DSG3: variants seen among roughly 807,000 people sequenced by gnomAD.
DSG3 encodes the protein desmoglein-3.
DSG3 carries 63 observed loss-of-function variants against 85.9 expected under a neutral mutation model. The observed-to-expected ratio is 0.73, with a 90% CI of 0.60 to 0.90. The LOEUF (loss-of-function observed/expected upper bound fraction) is 0.90. Among genes scored for constraint, DSG3 ranks in the 40% least tolerant of loss-of-function variants. The pLI, the probability that DSG3 is intolerant of heterozygous loss-of-function variation, is 0.00. For synonymous variants in DSG3, 447 were observed against 441.9 expected, an observed-to-expected ratio of 1.01 and a Z score of -0.14; for missense variants, 1,220 against 1,219.9, an observed-to-expected ratio of 1.00 and a Z score of 0.00.
intron 12 of DSG3, among the ~76,000 whole-genome samples, chr18:31,470,263 A>T (rs2072847831): frequency 6.6e-6 from 1 of 152,194 alleles, no homozygotes; most frequent in East Asian, 1.9e-4. Flanking sequence ...TATTAATTTT[A>T]AAACCACAAA....
chr18:31,464,983 A>C (rs1037181871), intron 9 of DSG3, among the ~76,000 whole-genome samples: 4 of 151,892 alleles, frequency 2.6e-5, no homozygotes, highest in African/African-American at 9.7e-5. Flanking sequence ...CTAAAAATAC[A>C]AAATTAGCCG....
At chr18:31,452,458 G>A (rs1481010627) in intron 1 of DSG3, among the ~76,000 whole-genome samples, 1 of 140,248 alleles carries the variant, frequency 7.1e-6, no homozygotes, top group Non-Finnish European at 1.5e-5. Flanking sequence ...GGCAGAACTT[G>A]CAGTGAGCCG....
chr18:31,474,774 A>G (rs1396974449), intron 15 of DSG3, among the ~76,000 whole-genome samples: 2 of 152,188 alleles, frequency 1.3e-5, no homozygotes, highest in African/African-American at 4.8e-5. Flanking sequence ...CAAATTAATA[A>G]CAAAAGAAGA....
At position 31,466,065 on chromosome 18, in the gene DSG3, C is replaced by T. The variant is rs533936511; in HGVS notation, c.1412-465C>T. The stretch of plus-strand genomic sequence containing the variant: ...TGCCCCCACAGAGAGATTTTTATTT[C>T]ATTATTTTTTATTTTCAGCATTTAA... On this transcript the variant is annotated intron_variant, in intron 10 of 15. Coordinates refer to ENST00000257189, the MANE Select transcript of DSG3 (RefSeq NM_001944.3). Among the ~76,000 whole-genome samples, 5 of 152,110 alleles carry T rather than the reference C, an allele frequency of 3.3e-5. No individual in the cohort carries two copies. The East Asian group carries it at 9.6e-4, about 29-fold the overall frequency.
At chr18:31,465,231 A>T in intron 9 of DSG3, 87 bp from the exon 10 acceptor site, 1 of 932,052 alleles carries the variant, frequency 1.1e-6, no homozygotes, top group Non-Finnish European at 1.4e-6. Context: ...AAATATGAAT[A>T]TACTAAATAT....
intron 1 of DSG3, among the ~76,000 whole-genome samples, chr18:31,455,443 A>G (rs1474737278): frequency 6.6e-6 from 1 of 152,242 alleles, no homozygotes; most frequent in Admixed American, 6.5e-5. Context: ...AAAGTTTACA[A>G]TACTCCTGGC....
At chr18:31,453,181 C>T (rs1376533697) in intron 1 of DSG3, among the ~76,000 whole-genome samples, 2 of 152,136 alleles carry the variant, frequency 1.3e-5, no homozygotes, top group East Asian at 3.8e-4. Flanking sequence ...TATTTCATGA[C>T]ATTTTTCCCA....
intron 9 of DSG3, among the ~76,000 whole-genome samples, chr18:31,464,594 A>T (rs943484757): frequency 2.0e-5 from 3 of 152,242 alleles, no homozygotes; most frequent in Non-Finnish European, 2.9e-5. Context: ...CACAAGTTAC[A>T]GTGGAAACCA....
At chr18:31,461,022 T>G in intron 7 of DSG3, 61 bp downstream of exon 7, 1 of 1,474,032 alleles carries the variant, frequency 6.8e-7, no homozygotes, top group Non-Finnish European at 9.0e-7. Flanking sequence ...GAAATCCTAA[T>G]TCAGGACTTG....
chr18:31,461,143 A>T, intron 7 of DSG3, 84 bp from the exon 8 acceptor site: 2 of 1,299,560 alleles, frequency 1.5e-6, no homozygotes, highest in South Asian at 1.6e-5. Context: ...AATTTGAGAA[A>T]TAAGGATTAC....
intron 3 of DSG3, among the ~76,000 whole-genome samples, chr18:31,457,547 C>CTTTCTCTT (rs1366270284): frequency 3.3e-5 from 4 of 122,566 alleles, no homozygotes; most frequent in Non-Finnish European, 4.9e-5. Context: ...TTCTTTCTTT[C>CTTTCTCTT]TCTTTCTTTC....
At chr18:31,467,529 T>G (rs2072829779) in intron 11 of DSG3, among the ~76,000 whole-genome samples, 2 of 152,206 alleles carry the variant, frequency 1.3e-5, no homozygotes, top group Non-Finnish European at 2.9e-5. Context: ...CATAGCGGAC[T>G]GAAATTTGCA....
chr18:31,468,601 C>G (rs1326769856), intron 11 of DSG3, among the ~76,000 whole-genome samples: 1 of 152,120 alleles, frequency 6.6e-6, no homozygotes, highest in Non-Finnish European at 1.5e-5. Flanking sequence ...TATTATCAAC[C>G]CTATTGTTTG....
intron 6 of DSG3, among the ~76,000 whole-genome samples, chr18:31,460,309 C>T (rs1226577596): frequency 2.0e-5 from 3 of 152,138 alleles, no homozygotes; most frequent in Non-Finnish European, 4.4e-5. Flanking sequence ...CAGCTAATTC[C>T]TCATGTGATG....
chr18:31,467,028 G>A (rs754496578), intron 11 of DSG3, among the ~76,000 whole-genome samples: 1 of 152,010 alleles, frequency 6.6e-6, no homozygotes, highest in Non-Finnish European at 1.5e-5. Flanking sequence ...CTTCCATAGT[G>A]CACCCAAAAA....
intron 6 of DSG3, 113 bp downstream of exon 6, chr18:31,460,124 A>G: frequency 8.5e-7 from 1 of 1,171,056 alleles, no homozygotes; most frequent in South Asian, 1.7e-5. Context: ...GGTTCTCAGT[A>G]CTTAACTTGG....
Position 31,459,742 on chromosome 18 carries a change from A to T in DSG3, c.518-103A>T. ...TTTTGAACATACAGATGATTTTAGG[A>T]TATTTAAAAATTAGCATCAATGTGA... On this transcript the variant is annotated intron_variant, in intron 5 of 15. Transcript: ENST00000257189. 3 of 1,151,124 alleles carry T rather than the reference A, an allele frequency of 2.6e-6. No individual in the cohort carries two copies. The South Asian group carries it at 5.0e-5, about 19-fold the overall frequency. 71.3% of individuals were successfully genotyped at this position (1,151,124 alleles called of 1,614,324 possible).
At position 31,476,342 on chromosome 18, in the gene DSG3, T is replaced by C; in HGVS notation, c.*82T>C. 2 of 1,485,980 alleles carry C rather than the reference T, an allele frequency of 1.3e-6. No homozygotes were observed. Among genetic ancestry groups the C allele is most frequent in the Non-Finnish European group, 9.0e-7 (1 of 1,109,176 alleles). 92.0% of individuals were successfully genotyped at this position (1,485,980 alleles called of 1,614,324 possible). A position where few individuals can be genotyped will look rare whatever the true frequency, so the allele number is the denominator to read the frequency against. Reference sequence around the variant, plus strand: ...CAAAATAGCATAGCAAAGCTCACTGTATTGGGCTAATAATTTGGCACTTAT... The same window carrying C: ...CAAAATAGCATAGCAAAGCTCACTGCATTGGGCTAATAATTTGGCACTTAT... On this transcript the variant is annotated 3_prime_UTR_variant, in exon 16 of 16. Coordinates refer to ENST00000257189, the MANE Select transcript of DSG3 (RefSeq NM_001944.3).
intron 3 of DSG3, among the ~76,000 whole-genome samples, chr18:31,458,037 T>C (rs1005926892): frequency 6.6e-6 from 1 of 152,148 alleles, no homozygotes; most frequent in Non-Finnish European, 1.5e-5. Flanking sequence ...AACCCTACCA[T>C]ACAATCTCTT....
Sources: allele counts gnomAD v4.1 joint callset (sites outside exome capture counted in the v4.1 genomes callset), GRCh38; gene constraint gnomAD v4.1.1; transcripts MANE v1.5; gene names NCBI Gene and HGNC (gene_info 2026-07-23, HGNC 2026-07-21).